The following MACC1 variants were observed in gnomAD, a reference collection of about 807,000 sequenced individuals.
MACC1 encodes metastasis-associated in colon cancer protein 1.
In MACC1, 79 loss-of-function variants were observed where a neutral mutation model predicts 70.7. The observed-to-expected ratio is 1.12, with a 90% CI of 0.93 to 1.35. MACC1 has a LOEUF of 1.35. MACC1 is among the 40% of genes most tolerant of loss of function. The probability of loss-of-function intolerance (pLI) is 0.00; values close to 1 mark genes in which losing one functional copy is unlikely to be tolerated. For missense variants in MACC1, 1,106 were observed against 978.1 expected (o/e 1.13, Z -1.74); for synonymous variants, 361 against 347.2 (o/e 1.04, Z -0.44).
chr7:20,158,446 T>A lies in MACC1; in HGVS notation c.1915A>T (p.Ile639Phe), dbSNP rs1270129751. 2 of 1,613,996 alleles carry A rather than the reference T, an allele frequency of 1.2e-6. No homozygotes were observed. The highest frequency in any genetic ancestry group is 1.7e-6 in the Non-Finnish European group (2 of 1,179,992). Residue 639 changes from isoleucine (I) to phenylalanine (F), a missense_variant, in exon 5 of 7, where the codon ATT becomes TTT. Ile to Phe is a conservative substitution (Grantham distance 21). Coordinates refer to ENST00000400331, the MANE Select transcript of MACC1 (RefSeq NM_182762.4). ...GTCAATTTTTTTAAAGGCAGGACAA[T>A]CTGTTCAAGAAGATTTCTGGTTGTA... is the stretch of plus-strand genomic sequence containing the variant. ...VFTTRNLLEQ[I>F]VLPLKKLTYI...
chr7:20,143,885 A>G (rs1339839249), intron 6 of MACC1, among the ~76,000 whole-genome samples: 2 of 152,200 alleles, frequency 1.3e-5, no homozygotes, highest in African/African-American at 4.8e-5. Context: ...CCTGGAGTGT[A>G]AGCTGTAATC....
intron 1 of MACC1, among the ~76,000 whole-genome samples, chr7:20,191,581 C>G (rs1303155041): frequency 2.0e-5 from 3 of 152,128 alleles, no homozygotes; most frequent in Non-Finnish European, 4.4e-5. Context: ...AACCAGGGAA[C>G]AGTCGCACTA....
chr7:20,217,058 T>A (rs889628043), intron 1 of MACC1, among the ~76,000 whole-genome samples: 10 of 152,212 alleles, frequency 6.6e-5, no homozygotes, highest in East Asian at 1.9e-4. Flanking sequence ...TCCTTTTTTT[T>A]AAAATAAACT....
chr7:20,175,713 A>G (rs1222922732), intron 1 of MACC1, among the ~76,000 whole-genome samples: 1 of 152,152 alleles, frequency 6.6e-6, no homozygotes, highest in Non-Finnish European at 1.5e-5. Context: ...TCTTGAAAGC[A>G]GGCTTTTCTT....
At position 20,160,003 on chromosome 7, in the gene MACC1, G is replaced by T; in HGVS notation, c.358C>A (p.Leu120Ile). 4 of 1,613,720 alleles carry T rather than the reference G, an allele frequency of 2.5e-6. No individual in the cohort carries two copies. The highest frequency in any genetic ancestry group is 2.5e-6 in the Non-Finnish European group (3 of 1,179,874). ...GNSFDSSGDE[L>I]DVHQLLRQTS... ...TGCCTAAGTAACTGATGCACATCAA[G>T]TTCATCACCGGAGGAATCAAAAGAA... The change falls in exon 5 of 7, where the codon CTT (leucine) becomes ATT (isoleucine). Residue 120 changes from leucine to isoleucine, a missense_variant. Leu to Ile is a conservative substitution (Grantham distance 5). Transcript: ENST00000400331.
intron 1 of MACC1, among the ~76,000 whole-genome samples, chr7:20,180,698 T>A (rs916749360): frequency 2.6e-5 from 4 of 151,948 alleles, no homozygotes; most frequent in Non-Finnish European, 4.4e-5. Context: ...TTTAAAAAAA[T>A]TAGCCAGATG....
chr7:20,150,886 A>G (rs1456252316), intron 6 of MACC1, among the ~76,000 whole-genome samples: 1 of 152,116 alleles, frequency 6.6e-6, no homozygotes, highest in African/African-American at 2.4e-5. Context: ...CATCTCTACT[A>G]AAAATACAAA....
chr7:20,173,293 C>T (rs960766782), intron 1 of MACC1, among the ~76,000 whole-genome samples: 2 of 152,192 alleles, frequency 1.3e-5, no homozygotes, highest in African/African-American at 4.8e-5. Context: ...CATCCTTACC[C>T]TGGCACAAAC....
In MACC1 at chr7:20,137,934, C is replaced by T. The variant is rs191734928; in HGVS notation, c.*3012G>A. The T allele has an allele frequency of 2.6e-5, 4 of 152,156 alleles. No homozygotes were observed. The highest frequency in any genetic ancestry group is 5.9e-5 in the Non-Finnish European group (4 of 68,012). 9.4% of individuals were successfully genotyped at this position (152,156 alleles called of 1,614,324 possible). ...CTGGGAGGCCGAGGCAGGTGGATGA[C>T]CTGAGGTCAGGAGTTCCAGACCAGT... On this transcript the variant is annotated 3_prime_UTR_variant, in exon 7 of 7. Coordinates refer to ENST00000400331, the MANE Select transcript of MACC1 (RefSeq NM_182762.4).
intron 1 of MACC1, among the ~76,000 whole-genome samples, chr7:20,195,998 G>A (rs185995243): frequency 2.0e-5 from 3 of 152,088 alleles, no homozygotes. Flanking sequence ...AAACTGCAAA[G>A]GGATGGGGTG....
At chr7:20,181,484 T>A (rs1782505902) in intron 1 of MACC1, among the ~76,000 whole-genome samples, 1 of 152,086 alleles carries the variant, frequency 6.6e-6, no homozygotes, top group South Asian at 2.1e-4. Flanking sequence ...TGCTTAAGCA[T>A]TTGATAATAT....
Position 20,160,091 on chromosome 7 carries a change from T to C in MACC1, c.270A>G (p.Arg90=), listed in dbSNP as rs1465208658. 1.9e-6 allele frequency: 3 copies of C among 1,612,344 alleles called. No homozygotes were observed. Among genetic ancestry groups the C allele is most frequent in the Non-Finnish European group, 1.7e-6 (2 of 1,179,488 alleles). Residue 90 remains arginine (R), a synonymous_variant, in exon 5 of 7, where the codon AGA becomes AGG. Coordinates refer to ENST00000400331, the MANE Select transcript of MACC1 (RefSeq NM_182762.4). The part of the protein sequence containing the change: ...DITQLRNNRK[R]NNISILKEDP... ...CTTCCTTTAAGATGGAAATATTATT[T>C]CTCTTCCTGTTATTTCTTAGTTGAG... is the stretch of plus-strand genomic sequence containing the variant.
At chr7:20,207,588 A>T (rs1182437859) in intron 1 of MACC1, among the ~76,000 whole-genome samples, 1 of 152,210 alleles carries the variant, frequency 6.6e-6, no homozygotes, top group African/African-American at 2.4e-5. Context: ...TTTTTGAACG[A>T]TGTGCAACAT....
chr7:20,175,590 A>G (rs1430005820), intron 1 of MACC1, among the ~76,000 whole-genome samples: 3 of 152,170 alleles, frequency 2.0e-5, no homozygotes, highest in African/African-American at 7.2e-5. Flanking sequence ...ATGAAACTAT[A>G]TATCTATATA....
At chr7:20,179,106 A>T (rs1324570533) in intron 1 of MACC1, among the ~76,000 whole-genome samples, 23 of 152,130 alleles carry the variant, frequency 1.5e-4, no homozygotes, top group Admixed American at 1.5e-3. Context: ...ATCAGTGCTA[A>T]TGTCCAATTT....
chr7:20,154,236 T>A lies in MACC1; in HGVS notation c.2303A>T (p.Tyr768Phe). The A allele has an allele frequency of 3.1e-6, 5 of 1,614,050 alleles. No individual in the cohort carries two copies. Among genetic ancestry groups the A allele is most frequent in the Non-Finnish European group, 4.2e-6 (5 of 1,179,938 alleles). ...VRLTKQQMEA[Y>F]EIPHRGNTGD... Reference sequence around the variant, plus strand: ...AGTGTTTCCTCGATGAGGAATTTCATATGCCTCCATTTGTTGCTTTGTGAG... The same window carrying A: ...AGTGTTTCCTCGATGAGGAATTTCAAATGCCTCCATTTGTTGCTTTGTGAG... Residue 768 changes from tyrosine (Y) to phenylalanine (F), a missense_variant, in exon 6 of 7, where the codon TAT becomes TTT. Transcript: ENST00000400331.
At chr7:20,184,237 C>T (rs1014305290) in intron 1 of MACC1, among the ~76,000 whole-genome samples, 3 of 152,030 alleles carry the variant, frequency 2.0e-5, no homozygotes, top group Non-Finnish European at 2.9e-5. Flanking sequence ...AGCAGTGTCC[C>T]GAGACCACTT....
Position 20,169,231 on chromosome 7 carries a change from G to A in MACC1, c.-153+1483C>T, listed in dbSNP as rs149045117. On this transcript the variant is annotated intron_variant, in intron 2 of 6. Coordinates refer to ENST00000400331, the MANE Select transcript of MACC1 (RefSeq NM_182762.4). ...TCAGGTTTAACTTTAAGCAATAGAT[G>A]TTTCAAGCAAACTCTGAGAAATAAA... Among the ~76,000 whole-genome samples the A allele has an allele frequency of 2.6e-5, 4 of 152,288 alleles. No homozygotes were observed. The East Asian group carries it at 7.7e-4, about 29-fold the overall frequency.
rs1783087278 is a variant in MACC1, at chr7:20,217,330, T to A, written c.-249A>T. 1 of 152,208 alleles carries A rather than the reference T, an allele frequency of 6.6e-6. No homozygotes were observed. The highest frequency in any genetic ancestry group is 1.5e-5 in the Non-Finnish European group (1 of 68,042). 9.4% of individuals were successfully genotyped at this position (152,208 alleles called of 1,614,324 possible). A position where few individuals can be genotyped will look rare whatever the true frequency, so the allele number is the denominator to read the frequency against. ...GGAAGTGAGCCCAAGCTTCTTCAGTTCAGACACATGGTTTTAGTGAATAGA... is the reference window on the plus strand; with the variant it reads ...GGAAGTGAGCCCAAGCTTCTTCAGTACAGACACATGGTTTTAGTGAATAGA... On this transcript the variant is annotated 5_prime_UTR_variant, in exon 1 of 7. Coordinates refer to ENST00000400331, the MANE Select transcript of MACC1 (RefSeq NM_182762.4).
Sources: gnomAD v4.1 joint callset for allele counts (sites outside exome capture counted in the v4.1 genomes callset) on GRCh38, gnomAD v4.1.1 for gene constraint, MANE v1.5 for transcripts, NCBI Gene and HGNC (gene_info 2026-07-23, HGNC 2026-07-21) for gene names.